TSNAX: variants seen among roughly 807,000 people sequenced by gnomAD.
TSNAX encodes translin-associated protein X.
In TSNAX, 12 loss-of-function variants were observed where a neutral mutation model predicts 33.0. The ratio of observed to expected loss-of-function variants is 0.36; its 90% confidence interval spans 0.23 to 0.59. TSNAX has a LOEUF of 0.59. Among genes scored for constraint, TSNAX ranks in the 20% least tolerant of loss-of-function variants. The pLI, the probability that TSNAX is intolerant of heterozygous loss-of-function variation, is 0.74. For synonymous variants in TSNAX, 110 were observed against 117.2 expected (o/e 0.94, Z 0.40); for missense variants, 267 against 341.3 (o/e 0.78, Z 1.72).
chr1:231,544,108 T>C (rs1659749921), intron 4 of TSNAX, among the ~76,000 whole-genome samples: 1 of 152,178 alleles, frequency 6.6e-6, no homozygotes, highest in South Asian at 2.1e-4. Flanking sequence ...ATACATAAGT[T>C]AGGTATGCGT....
At chr1:231,555,118 G>A (rs977576890) in intron 4 of TSNAX, among the ~76,000 whole-genome samples, 15 of 152,192 alleles carry the variant, frequency 9.9e-5, no homozygotes, top group African/African-American at 3.6e-4. Context: ...CATGTTTACA[G>A]CAGCATTACT....
intron 2 of TSNAX, among the ~76,000 whole-genome samples, chr1:231,531,182 C>T (rs1032883367): frequency 1.3e-5 from 2 of 151,976 alleles, no homozygotes; most frequent in African/African-American, 2.4e-5. Context: ...TGGTCTTGAT[C>T]TCCGAGCTCA....
intron 2 of TSNAX, among the ~76,000 whole-genome samples, chr1:231,529,945 T>G (rs576316782): frequency 4.6e-5 from 7 of 152,356 alleles, no homozygotes; most frequent in African/African-American, 1.7e-4. Flanking sequence ...TTAAGGAATC[T>G]GGGAAGGGCT....
chr1:231,539,923 GC>G (rs1419950030), intron 3 of TSNAX, among the ~76,000 whole-genome samples: 1 of 152,182 alleles, frequency 6.6e-6, no homozygotes, highest in African/African-American at 2.4e-5. Flanking sequence ...GGAGGCTCAT[GC>G]CTGTAATCCC....
At position 231,564,737 on chromosome 1, in the gene TSNAX, A is replaced by G; in HGVS notation, c.705A>G (p.Gly235=). ...YDGFSFIGNT[G]PYEVSKKLYT... Reference sequence around the variant, plus strand: ...GGTTTTCATTCATTGGCAACACTGGACCTTACGAGGTTTCTAAGAAGCTGT... The same window carrying G: ...GGTTTTCATTCATTGGCAACACTGGGCCTTACGAGGTTTCTAAGAAGCTGT... The change falls in exon 6 of 6, where the codon GGA becomes GGG. Residue 235 remains glycine, a synonymous_variant. Coordinates refer to ENST00000366639, the MANE Select transcript of TSNAX (RefSeq NM_005999.3). 1 of 1,614,166 alleles carries G rather than the reference A, an allele frequency of 6.2e-7. No homozygotes were observed. The highest frequency in any genetic ancestry group is 8.5e-7 in the Non-Finnish European group (1 of 1,180,036).
chr1:231,550,282 G>C (rs987661313), intron 4 of TSNAX, among the ~76,000 whole-genome samples: 4 of 152,118 alleles, frequency 2.6e-5, no homozygotes, highest in Non-Finnish European at 5.9e-5. Context: ...AGCTACAAAT[G>C]TTACTTTGGA....
chr1:231,564,562 C>G lies in TSNAX; in HGVS notation c.530C>G (p.Thr177Ser), dbSNP rs1191266088. Residue 177 changes from threonine to serine, a missense_variant, in exon 6 of 6, where the codon ACT becomes AGT. Around this residue, in one of 2 missense-constraint regions of TSNAX, gnomAD observed 200 missense variants for 214.1 expected, o/e 0.93. Transcript: ENST00000366639. The stretch of plus-strand genomic sequence containing the variant: ...GATGCACAGGATAAGCAGTTTGGTA[C>G]TTGGAGACTGAGAGTCACACCTGTC... ...SSDAQDKQFG[T>S]WRLRVTPVDY... 1.9e-6 allele frequency: 3 copies of G among 1,613,940 alleles called. No homozygotes were observed. Among genetic ancestry groups the G allele is most frequent in the Admixed American group, 1.7e-5 (1 of 59,996 alleles).
rs1658494379 is a variant in TSNAX at position 231,529,321 on chromosome 1, A to G, written c.83A>G (p.Asp28Gly). The G allele has an allele frequency of 1.2e-6, 2 of 1,614,102 alleles. No individual in the cohort carries two copies. Among genetic ancestry groups the G allele is most frequent in the East Asian group, 4.5e-5 (2 of 44,902 alleles). ...CATAACCAAAGAAGAGAAGGGAAGG[A>G]TGTTAATTCATCTTCACCCGTGATG... is the stretch of plus-strand genomic sequence containing the variant. The part of the protein sequence containing the change: ...FPHNQRREGK[D>G]VNSSSPVMLA... Residue 28 changes from aspartate to glycine, a missense_variant, in exon 2 of 6, where the codon GAT becomes GGT. Transcript: ENST00000366639.
chr1:231,558,524 A>AT (rs1374285707), intron 4 of TSNAX, among the ~76,000 whole-genome samples: 5 of 152,000 alleles, frequency 3.3e-5, no homozygotes, highest in South Asian at 2.1e-4. Flanking sequence ...ACTTTAAAAA[A>AT]TTTTTTTTGC....
chr1:231,564,460 T>G, intron 5 of TSNAX, 68 bp from the exon 6 acceptor site: 1 of 1,535,100 alleles, frequency 6.5e-7, no homozygotes, highest in South Asian at 1.3e-5. Flanking sequence ...CTATATTCAC[T>G]CTTTTTCACA....
chr1:231,544,966 T>TC (rs1197021601), intron 4 of TSNAX, among the ~76,000 whole-genome samples: 1 of 152,216 alleles, frequency 6.6e-6, no homozygotes, highest in Non-Finnish European at 1.5e-5. Flanking sequence ...TTTGTAAGTT[T>TC]CCTTTGAAGA....
intron 1 of TSNAX, 41 bp from the exon 2 acceptor site, chr1:231,529,214 G>C (rs770519658): frequency 1.3e-6 from 2 of 1,597,308 alleles, no homozygotes; most frequent in Non-Finnish European, 1.7e-6. Flanking sequence ...GCAAACTCTT[G>C]GTGATGGAAG....
chr1:231,541,258 C>T (rs950304559), intron 3 of TSNAX, among the ~76,000 whole-genome samples: 2 of 151,894 alleles, frequency 1.3e-5, no homozygotes, highest in Non-Finnish European at 2.9e-5. Context: ...TAATATATAT[C>T]TTATTGTCAA....
chr1:231,555,369 A>C (rs1377297329), intron 4 of TSNAX, among the ~76,000 whole-genome samples: 3 of 152,200 alleles, frequency 2.0e-5, no homozygotes, highest in African/African-American at 7.2e-5. Flanking sequence ...CATAGAGACA[A>C]GAAAGTAGAA....
chr1:231,557,603 G>A (rs1163834013), intron 4 of TSNAX, among the ~76,000 whole-genome samples: 1 of 152,120 alleles, frequency 6.6e-6, no homozygotes, highest in African/African-American at 2.4e-5. Flanking sequence ...TAGTTGAGAG[G>A]AAATATAGGG....
chr1:231,536,938 T>G (rs1055003502), intron 2 of TSNAX: 3 of 200,010 alleles, frequency 1.5e-5, no homozygotes, highest in African/African-American at 6.9e-5. Context: ...GTTCAAGCGA[T>G]TCTTCTGCCT....
chr1:231,560,870 G>A (rs1486912916), intron 4 of TSNAX, among the ~76,000 whole-genome samples: 1 of 152,104 alleles, frequency 6.6e-6, no homozygotes, highest in African/African-American at 2.4e-5. Context: ...GTGTTGGCCA[G>A]GCTGGTCTCC....
At chr1:231,546,752 TTGAG>T (rs1659940206) in intron 4 of TSNAX, among the ~76,000 whole-genome samples, 1 of 152,218 alleles carries the variant, frequency 6.6e-6, no homozygotes, top group African/African-American at 2.4e-5. Flanking sequence ...TAGTGGTAGT[TTGAG>T]TGTGCTCTGC....
chr1:231,557,886 G>A (rs1021506410), intron 4 of TSNAX, among the ~76,000 whole-genome samples: 4 of 152,028 alleles, frequency 2.6e-5, no homozygotes, highest in African/African-American at 9.7e-5. Flanking sequence ...GAAATTAGAT[G>A]GTAATATGAA....
Sources: gnomAD v4.1 joint callset for allele counts (sites outside exome capture counted in the v4.1 genomes callset) on GRCh38, gnomAD v4.1.1 for gene constraint, gnomAD v4.1.1 regional missense constraint, MANE v1.5 for transcripts, NCBI Gene and HGNC (gene_info 2026-07-23, HGNC 2026-07-21) for gene names.